Variants in FYB2 observed in about 807,000 individuals in gnomAD.
FYB2 encodes FYN binding protein 2.
In FYB2, 103 loss-of-function variants were observed where a neutral mutation model predicts 94.1. That is an observed-to-expected ratio of 1.09 (90% CI 0.93 to 1.29). The LOEUF is 1.29. Among genes scored for constraint, FYB2 ranks in the 50% most tolerant of loss-of-function variants. FYB2 has a pLI of 0.00. For synonymous variants in FYB2, 293 were observed against 287.9 expected (o/e 1.02, Z -0.18); for missense variants, 896 against 841.5 (o/e 1.06, Z -0.80).
At position 56,733,173 on chromosome 1, in the gene FYB2, A is replaced by G. The variant is rs538568920; in HGVS notation, c.1793+3914T>C. ...AATTAAAAAATGGGCAAATGAACAG[A>G]CATTTCTCAAAAGATGACATTAAAA... On this transcript the variant is annotated intron_variant, in intron 15 of 19. Transcript: ENST00000343433. Among the ~76,000 whole-genome samples, 5 of 152,210 alleles carry G rather than the reference A, an allele frequency of 3.3e-5. No individual in the cohort carries two copies. In the South Asian group the frequency reaches 1.0e-3, roughly 32 times the overall value.
intron 1 of FYB2, among the ~76,000 whole-genome samples, chr1:56,795,490 G>T (rs74322252): frequency 0.031 from 4,684 of 152,170 alleles, 229 homozygotes; most frequent in African/African-American, 0.11. Context: ...TTTTGGTTGT[G>T]TTCCCAGAAG....
chr1:56,791,178 A>C (rs1196517349), intron 2 of FYB2, among the ~76,000 whole-genome samples: 1 of 152,060 alleles, frequency 6.6e-6, no homozygotes, highest in Non-Finnish European at 1.5e-5. Flanking sequence ...ATCATTCAAC[A>C]AATTTTTTTT....
chr1:56,818,586 G>C (rs982488419), intron 1 of FYB2, among the ~76,000 whole-genome samples: 2 of 152,060 alleles, frequency 1.3e-5, no homozygotes, highest in East Asian at 3.9e-4. Flanking sequence ...GGAAGATGTG[G>C]TCAGTCAGGC....
intron 9 of FYB2, among the ~76,000 whole-genome samples, chr1:56,750,677 T>A (rs903624084): frequency 4.0e-5 from 6 of 151,766 alleles, no homozygotes; most frequent in African/African-American, 1.5e-4. Flanking sequence ...AGTATATATA[T>A]AAAAAAAAGA....
chr1:56,737,494 C>A, intron 14 of FYB2: 1 of 184,402 alleles, frequency 5.4e-6, no homozygotes, highest in Non-Finnish European at 1.1e-5. Context: ...AACAAATATG[C>A]TATACTGCTA....
chr1:56,730,995 C>T (rs1644695748), intron 15 of FYB2, among the ~76,000 whole-genome samples: 1 of 152,010 alleles, frequency 6.6e-6, no homozygotes, highest in South Asian at 2.1e-4. Flanking sequence ...TATCCCTGAG[C>T]CCAGGAAGTC....
At chr1:56,742,081 T>A (rs1443000480) in intron 12 of FYB2, 80 bp downstream of exon 12, 2 of 1,269,460 alleles carry the variant, frequency 1.6e-6, no homozygotes, top group East Asian at 2.4e-5. Flanking sequence ...GGGCGGATGG[T>A]GGGTCCTCAC....
chr1:56,785,862 C>T (rs1296264022), intron 4 of FYB2, among the ~76,000 whole-genome samples: 4 of 152,200 alleles, frequency 2.6e-5, no homozygotes, highest in Admixed American at 6.5e-5. Context: ...TCACTCCTTC[C>T]TGCATCCCTG....
intron 1 of FYB2, among the ~76,000 whole-genome samples, chr1:56,810,213 T>A (rs1288192815): frequency 1.3e-4 from 20 of 152,276 alleles, no homozygotes; most frequent in Non-Finnish European, 4.4e-5. Context: ...AAAAATTGTA[T>A]CAGTTCTGTT....
At chr1:56,727,957 C>T (rs1644618495) in intron 15 of FYB2, among the ~76,000 whole-genome samples, 1 of 152,208 alleles carries the variant, frequency 6.6e-6, no homozygotes, top group African/African-American at 2.4e-5. Flanking sequence ...GTGCAGTGTG[C>T]TATGATCACG....
At chr1:56,750,957 A>G in intron 9 of FYB2, 87 bp downstream of exon 9, 2 of 1,447,286 alleles carry the variant, frequency 1.4e-6, no homozygotes, top group South Asian at 1.3e-5. Context: ...TTCAATAAAT[A>G]TTGGTAAAAT....
intron 8 of FYB2, 143 bp downstream of exon 8, chr1:56,753,696 A>G (rs974114717): frequency 9.7e-6 from 6 of 617,228 alleles, no homozygotes; most frequent in Admixed American, 2.9e-5. Flanking sequence ...TCATTGTTAC[A>G]TTTATTTCCT....
Position 56,737,151 on chromosome 1 carries a change from G to A in FYB2, c.1733-4C>T. The stretch of plus-strand genomic sequence containing the variant: ...ATAACTTCCTGAGACTTAAGTTCTA[G>A]GGTCAAGACAGAATCAAAATAGTCC... On this transcript the variant is annotated splice_polypyrimidine_tract_variant and splice_region_variant and intron_variant, in intron 14 of 19. Transcript: ENST00000343433. The A allele has an allele frequency of 6.3e-7, 1 of 1,599,174 alleles. No homozygotes were observed. Among genetic ancestry groups the A allele is most frequent in the Non-Finnish European group, 8.5e-7 (1 of 1,170,608 alleles).
At chr1:56,763,680 T>C (rs939028396) in intron 5 of FYB2, among the ~76,000 whole-genome samples, 1 of 152,204 alleles carries the variant, frequency 6.6e-6, no homozygotes, top group Non-Finnish European at 1.5e-5. Flanking sequence ...TCAGCCTTGC[T>C]AGACGTTTAT....
intron 9 of FYB2, among the ~76,000 whole-genome samples, chr1:56,747,443 T>TCA (rs964830398): frequency 1.3e-5 from 2 of 151,954 alleles, no homozygotes; most frequent in African/African-American, 4.8e-5. Context: ...TATGTGATGT[T>TCA]CCCTTCCCTG....
At chr1:56,787,982 T>C (rs901041724) in intron 3 of FYB2, among the ~76,000 whole-genome samples, 1 of 152,188 alleles carries the variant, frequency 6.6e-6, no homozygotes, top group Non-Finnish European at 1.5e-5. Context: ...GGATAAGACT[T>C]AAGATGACTT....
At chr1:56,746,202 C>A (rs954293073) in intron 9 of FYB2, among the ~76,000 whole-genome samples, 2 of 151,970 alleles carry the variant, frequency 1.3e-5, no homozygotes, top group Admixed American at 6.6e-5. Flanking sequence ...CTGCTATACA[C>A]CCCCATTTCC....
intron 5 of FYB2, among the ~76,000 whole-genome samples, chr1:56,766,815 T>C (rs1570069384): frequency 6.6e-6 from 1 of 152,204 alleles, no homozygotes; most frequent in Non-Finnish European, 1.5e-5. Flanking sequence ...CCTAAGTATG[T>C]ATTCCCAGGA....
chr1:56,758,812 A>T (rs1645420278), intron 5 of FYB2, 62 bp from the exon 6 acceptor site: 3 of 1,268,726 alleles, frequency 2.4e-6, no homozygotes, highest in Non-Finnish European at 3.3e-6. Flanking sequence ...TATAGCACCC[A>T]GGATTAAAGC....
Sources: gnomAD v4.1 joint callset for allele counts (sites outside exome capture counted in the v4.1 genomes callset) on GRCh38, gnomAD v4.1.1 for gene constraint, MANE v1.5 for transcripts, NCBI Gene and HGNC (gene_info 2026-07-23, HGNC 2026-07-21) for gene names.